The following CHL1 variants were observed in gnomAD, a reference collection of about 807,000 sequenced individuals.
The protein encoded by CHL1 is cell adhesion molecule L1 like.
In CHL1, 96 loss-of-function variants were observed where a neutral mutation model predicts 141.9. The ratio of observed to expected loss-of-function variants is 0.68; its 90% CI spans 0.57 to 0.80. CHL1 has a LOEUF of 0.80. CHL1 is among the 30% of genes least tolerant of loss of function. The pLI is 0.00. For synonymous variants in CHL1, 613 were observed against 502.2 expected, an observed-to-expected ratio of 1.22 and a Z score of -2.95; for missense variants, 1,820 against 1,457.2, an observed-to-expected ratio of 1.25 and a Z score of -4.05.
Position 298,094 on chromosome 3 carries a change from T to G in CHL1, c.-94-21589T>G, listed in dbSNP as rs1242616624. Among the ~76,000 whole-genome samples the G allele has an allele frequency of 3.3e-5, 5 of 152,202 alleles. No homozygotes were observed. The East Asian group carries it at 7.7e-4, about 23-fold the overall frequency. The stretch of plus-strand genomic sequence containing the variant: ...CAACCAGTCTTTTCACTATTTTCAG[T>G]GGTTATAACTCAGGAAAGAGACAAC... On this transcript the variant is annotated intron_variant, in intron 2 of 27. Coordinates refer to ENST00000256509, the MANE Select transcript of CHL1 (RefSeq NM_006614.4).
At chr3:211,367 T>G (rs951620589) in intron 1 of CHL1, among the ~76,000 whole-genome samples, 1 of 152,234 alleles carries the variant, frequency 6.6e-6, no homozygotes, top group Non-Finnish European at 1.5e-5. Context: ...TGCAGTGTTA[T>G]GAGAGCACAG....
rs557684044 is a variant in CHL1 at position 387,621 on chromosome 3, A to G, written c.2248-1631A>G. 2.0e-3 allele frequency among the ~76,000 whole-genome samples: 302 copies of G among 152,340 alleles called. 2 individuals carry two copies. The highest frequency in any genetic ancestry group is 7.0e-3 in the African/African-American group (290 of 41,592). On this transcript the variant is annotated intron_variant, in intron 19 of 27. Transcript: ENST00000256509. ...CAAAATGTGTAAAATGAATAATATT[A>G]TTTGCACACACTTATTGTCAGCAGA...
chr3:335,109 A>C (rs1247940276), intron 5 of CHL1, among the ~76,000 whole-genome samples: 2 of 152,224 alleles, frequency 1.3e-5, no homozygotes, highest in African/African-American at 4.8e-5. Flanking sequence ...ATTCCTCAGG[A>C]CAATTTCCTT....
intron 13 of CHL1, among the ~76,000 whole-genome samples, chr3:362,599 T>C (rs1428608385): frequency 6.7e-6 from 1 of 150,016 alleles, no homozygotes; most frequent in Non-Finnish European, 1.5e-5. Context: ...TGATCCTACA[T>C]GGACCGCATC....
intron 1 of CHL1, among the ~76,000 whole-genome samples, chr3:233,812 T>G (rs1691652265): frequency 6.6e-6 from 1 of 152,108 alleles, no homozygotes; most frequent in African/African-American, 2.4e-5. Context: ...TAATTATTTC[T>G]CTATTATTGG....
intron 7 of CHL1, among the ~76,000 whole-genome samples, chr3:342,623 G>A (rs986841944): frequency 9.2e-5 from 14 of 152,138 alleles, no homozygotes; most frequent in African/African-American, 2.9e-4. Context: ...TTTGCTGAGC[G>A]AATAATTGGC....
At chr3:398,928 T>G in intron 25 of CHL1, 89 bp from the exon 26 acceptor site, 1 of 1,287,350 alleles carries the variant, frequency 7.8e-7, no homozygotes, top group Non-Finnish European at 1.1e-6. Context: ...TTTGGTATGT[T>G]TAAAAATGAT....
intron 2 of CHL1, among the ~76,000 whole-genome samples, chr3:279,823 G>A (rs1696474143): frequency 6.6e-6 from 1 of 152,176 alleles, no homozygotes; most frequent in African/African-American, 2.4e-5. Context: ...CTTAAAGGCT[G>A]CTTAGACTTG....
chr3:365,929 A>G (rs755215800), intron 14 of CHL1, 21 bp from the exon 15 acceptor site: 37 of 1,601,904 alleles, frequency 2.3e-5, no homozygotes, highest in Non-Finnish European at 3.1e-5. Context: ...TCTAACTAAT[A>G]TCTTTGTTTG....
intron 2 of CHL1, among the ~76,000 whole-genome samples, chr3:270,294 AG>A (rs1695527970): frequency 1.3e-5 from 2 of 152,202 alleles, no homozygotes; most frequent in African/African-American, 4.8e-5. Context: ...CAGGCCAATG[AG>A]GGTCTTTGAT....
At chr3:284,173 G>A (rs1696912902) in intron 2 of CHL1, among the ~76,000 whole-genome samples, 1 of 152,150 alleles carries the variant, frequency 6.6e-6, no homozygotes, top group African/African-American at 2.4e-5. Context: ...TTACTAATAA[G>A]TGTTTTGTTT....
intron 23 of CHL1, among the ~76,000 whole-genome samples, chr3:394,061 C>T (rs941496922): frequency 1.3e-5 from 2 of 152,162 alleles, no homozygotes; most frequent in Non-Finnish European, 2.9e-5. Context: ...ACACAAATCT[C>T]ATGTCTTTGC....
rs201018775 is a variant in CHL1 at position 363,199 on chromosome 3, C to T, written c.1419-18C>T. 149 of 1,599,276 alleles carry T rather than the reference C, an allele frequency of 9.3e-5. No homozygotes were observed. In the East Asian group the frequency reaches 1.9e-3, roughly 21 times the overall value. Reference sequence around the variant, plus strand: ...TTTTGCCCTACCTCAGATGGATGTACGCTTTCTTTGTCCATAGGCAGAAGG... The same window carrying T: ...TTTTGCCCTACCTCAGATGGATGTATGCTTTCTTTGTCCATAGGCAGAAGG... On this transcript the variant is annotated intron_variant, in intron 13 of 27. Coordinates refer to ENST00000256509, the MANE Select transcript of CHL1 (RefSeq NM_006614.4).
chr3:348,918 C>CTGTT (rs1157926843), intron 9 of CHL1, among the ~76,000 whole-genome samples: 2 of 152,220 alleles, frequency 1.3e-5, no homozygotes, highest in Non-Finnish European at 2.9e-5. Flanking sequence ...TCTCTGCTGA[C>CTGTT]TGTTAAGTCC....
chr3:359,902 G>A (rs939391681), intron 11 of CHL1, among the ~76,000 whole-genome samples: 3 of 152,204 alleles, frequency 2.0e-5, no homozygotes, highest in African/African-American at 7.2e-5. Context: ...ATCGTGATGT[G>A]TTGACCATGT....
At chr3:329,712 T>A (rs981315944) in intron 5 of CHL1, among the ~76,000 whole-genome samples, 4 of 151,952 alleles carry the variant, frequency 2.6e-5, no homozygotes, top group African/African-American at 7.2e-5. Context: ...TTACAACACA[T>A]CTATCTAAAC....
intron 1 of CHL1, among the ~76,000 whole-genome samples, chr3:199,169 G>A (rs1210305175): frequency 2.0e-5 from 3 of 152,184 alleles, no homozygotes; most frequent in Non-Finnish European, 4.4e-5. Context: ...TGCTGCAGTG[G>A]ATTTACCTTT....
intron 1 of CHL1, chr3:197,590 T>G: frequency 2.9e-6 from 1 of 350,838 alleles, no homozygotes; most frequent in Non-Finnish European, 5.7e-6. Context: ...ACTGCCCCTG[T>G]GTGGCTCCTC....
At chr3:350,404 A>G (rs1703142586) in intron 10 of CHL1, among the ~76,000 whole-genome samples, 1 of 152,140 alleles carries the variant, frequency 6.6e-6, no homozygotes, top group Non-Finnish European at 1.5e-5. Context: ...AGTTGACCGT[A>G]TTGATCAAAT....
Sources: allele counts gnomAD v4.1 joint callset (sites outside exome capture counted in the v4.1 genomes callset), GRCh38; gene constraint gnomAD v4.1.1; transcripts MANE v1.5; gene names NCBI Gene and HGNC (gene_info 2026-07-23, HGNC 2026-07-21).